P4HA1: variants seen among roughly 807,000 people sequenced by gnomAD.
P4HA1 encodes the protein prolyl 4-hydroxylase subunit alpha-1.
A neutral mutation model predicts 72.8 loss-of-function variants in P4HA1; 24 were observed. That is an observed-to-expected ratio of 0.33 (90% CI 0.24 to 0.46). The LOEUF (loss-of-function observed/expected upper bound fraction) is 0.46. Among genes scored for constraint, P4HA1 ranks in the 20% least tolerant of loss-of-function variants. The pLI, the probability that P4HA1 is intolerant of heterozygous loss-of-function variation, is 1.00. For synonymous variants in P4HA1, 201 were observed against 218.8 expected (o/e 0.92, Z 0.72); for missense variants, 446 against 640.6 (o/e 0.70, Z 3.28).
At chr10:73,038,341 C>T (rs1312022856) in intron 9 of P4HA1, among the ~76,000 whole-genome samples, 2 of 151,878 alleles carry the variant, frequency 1.3e-5, no homozygotes, top group African/African-American at 4.8e-5. Context: ...TCATAAATAC[C>T]GTATTGTAGG....
At chr10:73,094,818 T>TC (rs1170355852) in intron 1 of P4HA1, among the ~76,000 whole-genome samples, 1 of 152,220 alleles carries the variant, frequency 6.6e-6, no homozygotes, top group African/African-American at 2.4e-5. Flanking sequence ...AAACTTTTTT[T>TC]CAATAGTCTT....
At chr10:73,089,620 AT>A (rs1329048802) in intron 1 of P4HA1, among the ~76,000 whole-genome samples, 2 of 152,120 alleles carry the variant, frequency 1.3e-5, no homozygotes, top group Non-Finnish European at 2.9e-5. Flanking sequence ...TATTCATAAA[AT>A]AAAATACTAT....
chr10:73,067,047 T>C (rs1841439519), intron 5 of P4HA1, among the ~76,000 whole-genome samples: 1 of 152,158 alleles, frequency 6.6e-6, no homozygotes, highest in Non-Finnish European at 1.5e-5. Context: ...TTTCATTTTT[T>C]TGTAGAGTCA....
intron 5 of P4HA1, among the ~76,000 whole-genome samples, chr10:73,063,976 T>G (rs1453336171): frequency 6.9e-6 from 1 of 144,890 alleles, no homozygotes; most frequent in Non-Finnish European, 1.5e-5. Flanking sequence ...GAAAGTGGTA[T>G]GGGCAGAAAA....
At chr10:73,025,948 C>T (rs28853423) in intron 10 of P4HA1, among the ~76,000 whole-genome samples, 5 of 152,034 alleles carry the variant, frequency 3.3e-5, no homozygotes, top group Non-Finnish European at 5.9e-5. Flanking sequence ...CACTGCTCAA[C>T]GAAATAAAAG....
chr10:73,051,108 T>G lies in P4HA1; in HGVS notation c.845A>C (p.Tyr282Ser), dbSNP rs781544054. The G allele has an allele frequency of 2.5e-6, 4 of 1,614,056 alleles. No homozygotes were observed. In the African/African-American group the frequency reaches 5.3e-5, roughly 22 times the overall value. Residue 282 changes from tyrosine to serine, a missense_variant, in exon 7 of 15, where the codon TAC becomes TCC. Transcript: ENST00000394890. ...TTCGTACTTCTGTCTCTCTGGCAGG[T>G]AATCCACAGCAACCCCTTTTTTCTT... Reference protein sequence around the residue: ...TPKKKGVAVDYLPERQKYEML... With the variant: ...TPKKKGVAVDSLPERQKYEML...
At chr10:73,059,069 C>A (rs916896455) in intron 5 of P4HA1, among the ~76,000 whole-genome samples, 1 of 151,916 alleles carries the variant, frequency 6.6e-6, no homozygotes, top group Non-Finnish European at 1.5e-5. Flanking sequence ...TGAGCCACCA[C>A]GCCCAGCCAG....
At chr10:73,024,093 C>T (rs1194762726) in intron 10 of P4HA1, among the ~76,000 whole-genome samples, 1 of 152,150 alleles carries the variant, frequency 6.6e-6, no homozygotes. Context: ...AGAAGGTTAA[C>T]AAGAATATCC....
intron 5 of P4HA1, among the ~76,000 whole-genome samples, chr10:73,067,736 T>A (rs575162060): frequency 6.7e-4 from 102 of 152,304 alleles, no homozygotes; most frequent in Middle Eastern, 6.8e-3. Context: ...TCAATTTTTT[T>A]AATGTGTATC....
intron 10 of P4HA1, among the ~76,000 whole-genome samples, chr10:73,028,249 A>G (rs76384033): frequency 0.05 from 7,543 of 151,610 alleles, 654 homozygotes; most frequent in African/African-American, 0.17. Context: ...AAACAGAAGA[A>G]AAGACCACGT....
intron 1 of P4HA1, among the ~76,000 whole-genome samples, chr10:73,075,921 T>G (rs1345324277): frequency 6.6e-6 from 1 of 152,008 alleles, no homozygotes; most frequent in Non-Finnish European, 1.5e-5. Context: ...AATCAAAAGT[T>G]GTAGATTTGG....
intron 1 of P4HA1, among the ~76,000 whole-genome samples, chr10:73,076,667 T>C (rs559650467): frequency 1.3e-5 from 2 of 152,312 alleles, no homozygotes; most frequent in Admixed American, 1.3e-4. Flanking sequence ...CTTTCCCAGA[T>C]GCCCTGCTAG....
chr10:73,016,999 C>T, intron 10 of P4HA1, 100 bp from the exon 11 acceptor site: 1 of 734,042 alleles, frequency 1.4e-6, no homozygotes, highest in Non-Finnish European at 2.3e-6. Flanking sequence ...AGATCATGGT[C>T]AGGTATTTAC....
At chr10:73,089,463 T>C (rs1841984852) in intron 1 of P4HA1, among the ~76,000 whole-genome samples, 1 of 152,154 alleles carries the variant, frequency 6.6e-6, no homozygotes, top group Admixed American at 6.5e-5. Context: ...ATTGCACTCC[T>C]AGGCATTAAT....
Position 73,068,963 on chromosome 10 carries a change from T to A in P4HA1, c.346A>T (p.Ile116Phe). The A allele has an allele frequency of 6.2e-7, 1 of 1,612,800 alleles. No individual in the cohort carries two copies. Among genetic ancestry groups the A allele is most frequent in the Non-Finnish European group, 8.5e-7 (1 of 1,179,000 alleles). ...MSDGFISNLT[I>F]QRQYFPNDED... Reference sequence around the variant, plus strand: ...TCATTAGGAAAGTACTGTCTCTGAATGGTTAGGTTAGAGATAAAGCCTTGA... The same window carrying A: ...TCATTAGGAAAGTACTGTCTCTGAAAGGTTAGGTTAGAGATAAAGCCTTGA... The change falls in exon 5 of 15, where the codon ATT (isoleucine) becomes TTT (phenylalanine). Residue 116 changes from isoleucine to phenylalanine, a missense_variant. Transcript: ENST00000394890.
Position 73,051,193 on chromosome 10 carries a change from T to C in P4HA1, c.760A>G (p.Lys254Glu). ...GCAGACTTATTGACATCTTTTTCTT[T>C]AGCCATTATATACTCAAAATATTTT... ...NLKYFEYIMA[K>E]EKDVNKSASD... Residue 254 changes from lysine to glutamate, a missense_variant, in exon 7 of 15, where the codon AAA becomes GAA. Physicochemically the swap from Lys to Glu is moderately conservative, Grantham distance 56 (BLOSUM62 1). Transcript: ENST00000394890. 1 of 1,607,660 alleles carries C rather than the reference T, an allele frequency of 6.2e-7. No homozygotes were observed. Among genetic ancestry groups the C allele is most frequent in the Non-Finnish European group, 8.5e-7 (1 of 1,174,146 alleles).
At chr10:73,091,667 A>G (rs1055132197) in intron 1 of P4HA1, among the ~76,000 whole-genome samples, 2 of 152,182 alleles carry the variant, frequency 1.3e-5, no homozygotes, top group Admixed American at 6.5e-5. Flanking sequence ...GACTTGTATG[A>G]TAGTTCTCGG....
At chr10:73,076,702 C>A (rs1276717571) in intron 1 of P4HA1, among the ~76,000 whole-genome samples, 1 of 152,110 alleles carries the variant, frequency 6.6e-6, no homozygotes, top group Non-Finnish European at 1.5e-5. Context: ...TCCTTCTCCC[C>A]TACAAACATG....
chr10:73,022,399 T>C (rs981678054), intron 10 of P4HA1, among the ~76,000 whole-genome samples: 12 of 152,146 alleles, frequency 7.9e-5, no homozygotes, highest in African/African-American at 2.7e-4. Context: ...GACCTGCAGC[T>C]GAGGGACCTG....
Sources: allele counts gnomAD v4.1 joint callset (sites outside exome capture counted in the v4.1 genomes callset), GRCh38; gene constraint gnomAD v4.1.1; transcripts MANE v1.5; gene names NCBI Gene and HGNC (gene_info 2026-07-23, HGNC 2026-07-21).